The following KIF6 variants were observed in gnomAD, a reference collection of about 807,000 sequenced individuals.
KIF6 encodes kinesin-like protein KIF6.
KIF6 carries 106 observed loss-of-function variants against 112.7 expected under a neutral mutation model. The observed-to-expected ratio is 0.94, with a 90% CI of 0.80 to 1.11. The LOEUF is 1.11. Ranked by LOEUF, KIF6 falls within the 50% of genes least tolerant of loss-of-function variation. The pLI is 0.00. For synonymous variants in KIF6, 339 were observed against 339.9 expected (o/e 1.00, Z 0.03); for missense variants, 929 against 964.0 (o/e 0.96, Z 0.48).
Position 39,357,381 on chromosome 6 carries a change from G to T in KIF6, c.2083-7C>A, listed in dbSNP as rs779040500. 2.0e-5 allele frequency: 32 copies of T among 1,592,004 alleles called. No homozygotes were observed. Among genetic ancestry groups the T allele is most frequent in the Non-Finnish European group, 2.5e-5 (29 of 1,160,442 alleles). The stretch of plus-strand genomic sequence containing the variant: ...TCACTGCTGGAGAATTTACCTGTTG[G>T]CCCCAGAAGGAGTTTCACAGTGTTA... On this transcript the variant is annotated splice_polypyrimidine_tract_variant and splice_region_variant and intron_variant, in intron 18 of 22. Transcript: ENST00000287152.
chr6:39,446,763 T>C (rs1239512804), intron 13 of KIF6, among the ~76,000 whole-genome samples: 1 of 152,210 alleles, frequency 6.6e-6, no homozygotes, highest in Non-Finnish European at 1.5e-5. Flanking sequence ...TTGCTGGGAC[T>C]ACAGGCATGA....
intron 3 of KIF6, among the ~76,000 whole-genome samples, chr6:39,687,310 A>C (rs1787934266): frequency 6.6e-6 from 1 of 152,232 alleles, no homozygotes; most frequent in South Asian, 2.1e-4. Context: ...AATTATGTAG[A>C]AACTAGGTCA....
At chr6:39,520,327 T>G (rs1777320364) in intron 13 of KIF6, among the ~76,000 whole-genome samples, 1 of 152,258 alleles carries the variant, frequency 6.6e-6, no homozygotes, top group Non-Finnish European at 1.5e-5. Flanking sequence ...ATTTTTTATC[T>G]GAAATTCAGA....
chr6:39,639,671 C>A lies in KIF6; in HGVS notation c.338G>T (p.Arg113Leu). The A allele has an allele frequency of 6.2e-7, 1 of 1,611,190 alleles. No homozygotes were observed. The highest frequency in any genetic ancestry group is 8.5e-7 in the Non-Finnish European group (1 of 1,178,592). The stretch of plus-strand genomic sequence containing the variant: ...TGGGATAATGCCTCTGTCACTGTAA[C>A]GCTCTGCACCCCCTGTGATAGTGAA... ...KTFTITGGAE[R>L]YSDRGIIPRT... Residue 113 changes from arginine (R) to leucine (L), a missense_variant, in exon 4 of 23, where the codon CGT becomes CTT. This residue lies in a region of KIF6 where 688 missense variants were observed against 662.7 expected (regional missense o/e 1.04). Transcript: ENST00000287152.
At chr6:39,462,853 A>G (rs1308596190) in intron 13 of KIF6, among the ~76,000 whole-genome samples, 1 of 152,180 alleles carries the variant, frequency 6.6e-6, no homozygotes. Flanking sequence ...GTTAATTTTC[A>G]TTAGTTGATG....
chr6:39,369,700 T>C (rs190995632), intron 16 of KIF6, among the ~76,000 whole-genome samples: 1 of 152,264 alleles, frequency 6.6e-6, no homozygotes. Context: ...GGTCAGCGTG[T>C]ACTAGGGTCA....
intron 13 of KIF6, among the ~76,000 whole-genome samples, chr6:39,533,469 G>A (rs559839848): frequency 2.4e-4 from 37 of 152,320 alleles, no homozygotes; most frequent in Non-Finnish European, 4.4e-4. Flanking sequence ...AGGGGCGCCC[G>A]CCATTGCCCA....
intron 13 of KIF6, among the ~76,000 whole-genome samples, chr6:39,478,700 A>AT (rs796482220): frequency 0.017 from 1,757 of 106,106 alleles, 17 homozygotes; most frequent in African/African-American, 0.024. Context: ...GACAACATCT[A>AT]TTTTTTTTTT....
intron 13 of KIF6, among the ~76,000 whole-genome samples, chr6:39,443,506 C>T (rs1027808231): frequency 6.6e-6 from 1 of 151,944 alleles, no homozygotes; most frequent in Non-Finnish European, 1.5e-5. Flanking sequence ...TAGAGTGGTG[C>T]AATCTTGGCT....
intron 19 of KIF6, chr6:39,354,165 G>T (rs917514663): frequency 6.1e-6 from 2 of 327,014 alleles, no homozygotes; most frequent in Non-Finnish European, 1.2e-5. Context: ...CCCTGCAACG[G>T]TGACCTGCTG....
chr6:39,607,206 A>C (rs1782940580), intron 6 of KIF6, among the ~76,000 whole-genome samples: 1 of 152,302 alleles, frequency 6.6e-6, no homozygotes, highest in Admixed American at 6.5e-5. Context: ...TTCTTTTAAT[A>C]ATGTATATGG....
At chr6:39,521,039 C>T (rs1326247376) in intron 13 of KIF6, among the ~76,000 whole-genome samples, 1 of 152,126 alleles carries the variant, frequency 6.6e-6, no homozygotes, top group Non-Finnish European at 1.5e-5. Flanking sequence ...CTGCCAGAAA[C>T]CATTTTCATC....
intron 9 of KIF6, among the ~76,000 whole-genome samples, chr6:39,582,661 C>T (rs919010182): frequency 3.3e-5 from 5 of 152,210 alleles, no homozygotes; most frequent in South Asian, 4.2e-4. Flanking sequence ...GTGATCCATC[C>T]GCCTCAGCCT....
chr6:39,404,797 A>T (rs558249028), intron 15 of KIF6, among the ~76,000 whole-genome samples: 1 of 152,216 alleles, frequency 6.6e-6, no homozygotes, highest in Non-Finnish European at 1.5e-5. Context: ...CTTTTAATCC[A>T]TAAACATTTT....
intron 3 of KIF6, among the ~76,000 whole-genome samples, chr6:39,648,348 C>CGCG (rs1785290681): frequency 6.6e-6 from 1 of 152,044 alleles, no homozygotes; most frequent in Non-Finnish European, 1.5e-5. Context: ...AGCCAAGGGC[C>CGCG]TTGATTTTTA....
intron 13 of KIF6, among the ~76,000 whole-genome samples, chr6:39,526,884 T>C (rs546958101): frequency 5.3e-5 from 8 of 152,316 alleles, no homozygotes; most frequent in African/African-American, 1.9e-4. Flanking sequence ...AGATGGATCA[T>C]GGGTGATTTC....
chr6:39,724,167 A>C (rs1790393796), intron 1 of KIF6, among the ~76,000 whole-genome samples: 1 of 152,168 alleles, frequency 6.6e-6, no homozygotes, highest in African/African-American at 2.4e-5. Context: ...AAGCATAAAA[A>C]GTGCTGGGCG....
chr6:39,532,613 A>G (rs1778138891), intron 13 of KIF6, among the ~76,000 whole-genome samples: 1 of 152,222 alleles, frequency 6.6e-6, no homozygotes, highest in Non-Finnish European at 1.5e-5. Flanking sequence ...AAATATTCAA[A>G]GCAAGGAGAA....
chr6:39,492,010 C>G (rs530250897), intron 13 of KIF6, among the ~76,000 whole-genome samples: 11 of 152,250 alleles, frequency 7.2e-5, no homozygotes, highest in African/African-American at 1.9e-4. Flanking sequence ...TCCGGAACAG[C>G]CTTTTCAGTC....
Sources: allele counts gnomAD v4.1 joint callset (sites outside exome capture counted in the v4.1 genomes callset), GRCh38; gene constraint gnomAD v4.1.1; regional missense constraint gnomAD v4.1.1; transcripts MANE v1.5; gene names NCBI Gene and HGNC (gene_info 2026-07-23, HGNC 2026-07-21).